The following EHD3 variants were observed in gnomAD, a reference collection of about 807,000 sequenced individuals.
The protein encoded by EHD3 is EH domain containing 3.
Under a neutral mutation model 43.0 loss-of-function variants are expected in EHD3, and 17 were observed. That is an observed-to-expected ratio of 0.40 (90% CI 0.27 to 0.59). The LOEUF (loss-of-function observed/expected upper bound fraction) is 0.59, where lower values mean the gene tolerates loss of function less well. Ranked by LOEUF, EHD3 falls within the 20% of genes least tolerant of loss-of-function variation. EHD3 has a pLI of 0.49. For synonymous variants in EHD3, 313 were observed against 289.5 expected, an observed-to-expected ratio of 1.08 and a Z score of -0.82; for missense variants, 594 against 705.6, an observed-to-expected ratio of 0.84 and a Z score of 1.79.
At chr2:31,263,507 G>A (rs1171196942) in intron 5 of EHD3, among the ~76,000 whole-genome samples, 1 of 152,146 alleles carries the variant, frequency 6.6e-6, no homozygotes, top group Non-Finnish European at 1.5e-5. Flanking sequence ...TGGGACCCCT[G>A]CATGGGAGCC....
chr2:31,249,307 G>GA (rs1683587997), intron 2 of EHD3, 64 bp from the exon 3 acceptor site: 1 of 1,432,714 alleles, frequency 7.0e-7, no homozygotes, highest in African/African-American at 1.4e-5. Flanking sequence ...CAGGTGGTTG[G>GA]AGTCATGCGG....
rs111421010 is a variant in EHD3 at position 31,242,653 on chromosome 2, A to G, written c.228-1621A>G. 1.9e-4 allele frequency among the ~76,000 whole-genome samples: 29 copies of G among 152,334 alleles called. 1 individual carries two copies. The highest frequency in any genetic ancestry group is 6.5e-4 in the African/African-American group (27 of 41,572). ...AATGAAAGGTGTGCAGGTTGCTTCT[A>G]TGCTAAAAAATAAGATCAGGTGGCT... On this transcript the variant is annotated intron_variant, in intron 1 of 5. Transcript: ENST00000322054.
chr2:31,242,680 G>C lies in EHD3; in HGVS notation c.228-1594G>C, dbSNP rs375774481. Among the ~76,000 whole-genome samples the C allele has an allele frequency of 9.8e-4, 150 of 152,330 alleles. 1 individual carries two copies. In the South Asian group the frequency reaches 0.03, roughly 30 times the overall value. On this transcript the variant is annotated intron_variant, in intron 1 of 5. Coordinates refer to ENST00000322054, the MANE Select transcript of EHD3 (RefSeq NM_014600.3). ...GCTAAAAAATAAGATCAGGTGGCTG[G>C]GTATGGTGGCTCATGCCTGTAATCC...
intron 3 of EHD3, among the ~76,000 whole-genome samples, chr2:31,253,563 G>A (rs946230630): frequency 7.9e-5 from 12 of 152,356 alleles, no homozygotes; most frequent in African/African-American, 2.6e-4. Flanking sequence ...AGTCGGCACA[G>A]AGGCCCCTAC....
chr2:31,245,676 C>T (rs1683507887), intron 2 of EHD3, among the ~76,000 whole-genome samples: 1 of 148,412 alleles, frequency 6.7e-6, no homozygotes, highest in African/African-American at 2.5e-5. Flanking sequence ...ATTCTCCTGC[C>T]TCAGCCTCCC....
In EHD3 at chr2:31,234,563, C is replaced by T; in HGVS notation, c.-59C>T. On this transcript the variant is annotated 5_prime_UTR_variant, in exon 1 of 6. Coordinates refer to ENST00000322054, the MANE Select transcript of EHD3 (RefSeq NM_014600.3). The stretch of plus-strand genomic sequence containing the variant: ...CCGGCGGACCGGTCCTACGGGACAT[C>T]TTCCCCTGAGGAGGAGTCTTCCCCT... 2.5e-6 allele frequency: 4 copies of T among 1,588,746 alleles called. No homozygotes were observed. Among genetic ancestry groups the T allele is most frequent in the Non-Finnish European group, 3.4e-6 (4 of 1,164,546 alleles).
rs1159016621 is a variant in EHD3 at position 31,268,897 on chromosome 2, C to A, written c.*2193C>A. 2 of 152,290 alleles carry A rather than the reference C, an allele frequency of 1.3e-5. No individual in the cohort carries two copies. Among genetic ancestry groups the A allele is most frequent in the Non-Finnish European group, 2.9e-5 (2 of 68,090 alleles). 9.4% of individuals were successfully genotyped at this position (152,290 alleles called of 1,614,324 possible). ...TCTTCACTGCCACTGGACACACATG[C>A]CACTTTCCTGCCCTTCTACATATGC... On this transcript the variant is annotated 3_prime_UTR_variant, in exon 6 of 6. Coordinates refer to ENST00000322054, the MANE Select transcript of EHD3 (RefSeq NM_014600.3).
chr2:31,242,397 G>A (rs1231918796), intron 1 of EHD3, among the ~76,000 whole-genome samples: 1 of 152,202 alleles, frequency 6.6e-6, no homozygotes, highest in Admixed American at 6.5e-5. Context: ...ACCTGTTTAG[G>A]TAGTGCAGGT....
intron 3 of EHD3, among the ~76,000 whole-genome samples, chr2:31,251,300 A>T (rs1362943893): frequency 6.6e-6 from 1 of 152,122 alleles, no homozygotes; most frequent in Admixed American, 6.5e-5. Flanking sequence ...GTGAGCTGCC[A>T]TGGCTGGGAG....
intron 1 of EHD3, among the ~76,000 whole-genome samples, chr2:31,238,499 C>G (rs529081509): frequency 6.6e-6 from 1 of 152,378 alleles, no homozygotes; most frequent in South Asian, 2.1e-4. Flanking sequence ...CTTCCCCGGC[C>G]TAAGGCCCGG....
intron 5 of EHD3, 127 bp downstream of exon 5, chr2:31,261,840 A>ATAG: frequency 9.5e-7 from 1 of 1,054,578 alleles, no homozygotes; most frequent in South Asian, 2.5e-5. Flanking sequence ...GCAGGCAAGG[A>ATAG]GGTGGCCCTG....
At chr2:31,262,376 A>G (rs1363744398) in intron 5 of EHD3, among the ~76,000 whole-genome samples, 1 of 152,180 alleles carries the variant, frequency 6.6e-6, no homozygotes, top group African/African-American at 2.4e-5. Context: ...CAAGCAGGAA[A>G]CCACAACATT....
At chr2:31,245,142 GA>G (rs1012495107) in intron 2 of EHD3, among the ~76,000 whole-genome samples, 5 of 152,182 alleles carry the variant, frequency 3.3e-5, no homozygotes, top group African/African-American at 1.2e-4. Context: ...TAAATACTTT[GA>G]AAATAATTTT....
intron 1 of EHD3, among the ~76,000 whole-genome samples, chr2:31,236,879 G>A (rs1398018063): frequency 2.0e-5 from 3 of 152,126 alleles, no homozygotes; most frequent in South Asian, 2.1e-4. Flanking sequence ...ACACTCTCCC[G>A]GCTTTGCCTA....
At chr2:31,252,170 T>C (rs1235041026) in intron 3 of EHD3, among the ~76,000 whole-genome samples, 1 of 152,192 alleles carries the variant, frequency 6.6e-6, no homozygotes, top group Non-Finnish European at 1.5e-5. Context: ...TGTCCCCATG[T>C]GTAACAAGGG....
intron 2 of EHD3, 60 bp from the exon 3 acceptor site, chr2:31,249,311 C>T: frequency 6.7e-7 from 1 of 1,484,430 alleles, no homozygotes. Context: ...TGGTTGGAGT[C>T]ATGCGGCTAG....
chr2:31,237,605 A>G (rs772834074), intron 1 of EHD3, among the ~76,000 whole-genome samples: 8 of 152,162 alleles, frequency 5.3e-5, no homozygotes, highest in Non-Finnish European at 8.8e-5. Flanking sequence ...GGGTTTTGCC[A>G]TGTTAGGCAG....
chr2:31,254,771 A>G (rs1159989511), intron 3 of EHD3, among the ~76,000 whole-genome samples: 1 of 152,220 alleles, frequency 6.6e-6, no homozygotes, highest in African/African-American at 2.4e-5. Flanking sequence ...GCTGGGTTCC[A>G]GGCCTGAGTT....
chr2:31,257,033 C>T (rs13426870), intron 3 of EHD3, among the ~76,000 whole-genome samples: 9,593 of 152,288 alleles, frequency 0.063, 556 homozygotes, highest in African/African-American at 0.15. Context: ...GGAGCTGCAG[C>T]CCAGTCTTGG....
Sources: allele counts gnomAD v4.1 joint callset (sites outside exome capture counted in the v4.1 genomes callset), GRCh38; gene constraint gnomAD v4.1.1; transcripts MANE v1.5; gene names NCBI Gene and HGNC (gene_info 2026-07-23, HGNC 2026-07-21).